Variants in FAM185A observed in about 807,000 individuals in gnomAD.
FAM185A encodes family with sequence similarity 185 member A, also known as protein FAM185A.
A neutral mutation model predicts 45.7 loss-of-function variants in FAM185A; 21 were observed. The ratio of observed to expected loss-of-function variants is 0.46; its 90% CI spans 0.33 to 0.66. The LOEUF is 0.66. FAM185A is among the 30% of genes least tolerant of loss of function. The pLI is 0.03. For synonymous variants in FAM185A, 117 were observed against 194.0 expected (o/e 0.60, Z 3.30); for missense variants, 305 against 485.4 (o/e 0.63, Z 3.49).
At chr7:102,849,291 G>C in the FAM185A span, among the ~76,000 whole-genome samples, 1 of 152,152 alleles carries the variant, frequency 6.6e-6, no homozygotes, top group South Asian at 2.1e-4. Flanking sequence ...TCTCAGAAAA[G>C]AACTAACGTT....
rs1186003725 is a variant in FAM185A, at chr7:102,767,604, C to G, written c.794-4805C>G. Among the ~76,000 whole-genome samples the G allele has an allele frequency of 3.4e-5, 5 of 146,832 alleles. No individual in the cohort carries two copies. In the East Asian group the frequency reaches 1.0e-3, roughly 30 times the overall value. On this transcript the variant is annotated intron_variant, in intron 4 of 7. Coordinates refer to ENST00000413034, the MANE Select transcript of FAM185A (RefSeq NM_001145268.2). ...TCATCCTTGTCCTATTGTTCTTTCT[C>G]TACATATTTTCCTAGGGCATCTTAT... is the stretch of plus-strand genomic sequence containing the variant.
downstream of FAM185A, chr7:102,813,634 C>G: frequency 8.4e-7 from 1 of 1,185,954 alleles, no homozygotes; most frequent in Non-Finnish European, 1.2e-6. Flanking sequence ...CTGTCACAAT[C>G]TGAATTCACA....
chr7:102,783,154 T>C (rs1305066819), intron 6 of FAM185A, among the ~76,000 whole-genome samples: 2 of 150,916 alleles, frequency 1.3e-5, no homozygotes, highest in African/African-American at 2.4e-5. Flanking sequence ...ATAAAGCAAG[T>C]CCTTAGAGAC....
chr7:102,833,778 C>T, the FAM185A span, among the ~76,000 whole-genome samples: 3 of 151,834 alleles, frequency 2.0e-5, no homozygotes, highest in African/African-American at 7.3e-5. Flanking sequence ...TTTTGAAATG[C>T]TGAAATGTTC....
the FAM185A span, among the ~76,000 whole-genome samples, chr7:102,826,730 T>TC: frequency 2.7e-4 from 9 of 33,934 alleles, no homozygotes; most frequent in African/African-American, 1.8e-3. Context: ...GTCTCATATA[T>TC]ATATATATAT....
downstream of FAM185A, among the ~76,000 whole-genome samples, chr7:102,812,865 C>T (rs187959234): frequency 2.9e-4 from 37 of 125,644 alleles, no homozygotes; most frequent in Admixed American, 2.1e-3. Context: ...TTTTTTGAGA[C>T]GGAGTCTTGC....
chr7:102,754,734 C>T (rs1241883873), intron 2 of FAM185A, among the ~76,000 whole-genome samples: 2 of 152,182 alleles, frequency 1.3e-5, no homozygotes, highest in African/African-American at 2.4e-5. Context: ...ATTGTCCTGA[C>T]AAAACATATG....
the FAM185A span, among the ~76,000 whole-genome samples, chr7:102,826,742 T>TC: frequency 1.1e-5 from 1 of 93,622 alleles, no homozygotes; most frequent in African/African-American, 5.2e-5. Flanking sequence ...TATATATATA[T>TC]ATATATATAT....
downstream of FAM185A, chr7:102,814,219 C>T (rs969141677): frequency 9.9e-5 from 15 of 152,108 alleles, no homozygotes; most frequent in Non-Finnish European, 1.9e-4. Context: ...GTTTGAATCA[C>T]GAGATTAGTA....
intron 7 of FAM185A, among the ~76,000 whole-genome samples, chr7:102,799,887 ACAGAGCAGCGTGTAGAGG>A (rs1390401643): frequency 9.2e-5 from 14 of 152,274 alleles, no homozygotes; most frequent in African/African-American, 3.1e-4. Flanking sequence ...ACTCTGACGG[ACAGAGCAGCGTGTAGAGG>A]CTCGCGTCAT....
intron 6 of FAM185A, among the ~76,000 whole-genome samples, chr7:102,782,807 C>G (rs1440461234): frequency 9.2e-5 from 14 of 152,080 alleles, no homozygotes; most frequent in Admixed American, 5.9e-4. Context: ...ACAATATTAA[C>G]CTTAAATGTA....
chr7:102,818,631 G>A, the FAM185A span, among the ~76,000 whole-genome samples: 2 of 152,084 alleles, frequency 1.3e-5, no homozygotes, highest in Admixed American at 6.6e-5. Flanking sequence ...CCGAGTTTAA[G>A]CTTCTAGCAA....
the FAM185A span, among the ~76,000 whole-genome samples, chr7:102,835,054 A>T: frequency 5.3e-5 from 8 of 152,234 alleles, no homozygotes; most frequent in Non-Finnish European, 7.3e-5. Flanking sequence ...AGATGCACAA[A>T]TGTATTGTAC....
At chr7:102,817,469 G>A in the FAM185A span, among the ~76,000 whole-genome samples, 1 of 152,042 alleles carries the variant, frequency 6.6e-6, no homozygotes, top group Admixed American at 6.6e-5. Context: ...GTTTTTGCTT[G>A]TTGATTTGTT....
chr7:102,800,349 G>A lies in FAM185A; in HGVS notation c.1067-7941G>A, dbSNP rs547563764. Reference sequence around the variant, plus strand: ...CAAAACAAGGCTCTTTAACAACCCCGCGAAAATCACACTAGCTCACCAGCA... The same window carrying A: ...CAAAACAAGGCTCTTTAACAACCCCACGAAAATCACACTAGCTCACCAGCA... On this transcript the variant is annotated intron_variant, in intron 7 of 7. Coordinates refer to ENST00000413034, the MANE Select transcript of FAM185A (RefSeq NM_001145268.2). Among the ~76,000 whole-genome samples the A allele has an allele frequency of 1.1e-4, 16 of 152,194 alleles. No homozygotes were observed. In the South Asian group the frequency reaches 2.5e-3, roughly 24 times the overall value.
chr7:102,805,725 G>A (rs10237986), intron 7 of FAM185A, among the ~76,000 whole-genome samples: 3,129 of 152,118 alleles, frequency 0.021, 116 homozygotes, highest in African/African-American at 0.071. Flanking sequence ...AAGGTGGGGA[G>A]GCAGAGGTTA....
rs1554364935 is a variant in FAM185A, at chr7:102,758,459, T to TTTTTTTTTTTTTTTTTTTTTTTTTTTTA, written c.654+513_654+514insTTTTTTTTTTTTTTTTTTTTTTTTTTTA. On this transcript the variant is annotated intron_variant, in intron 3 of 7. Transcript: ENST00000413034. Reference sequence around the variant, plus strand: ...TTTTTTTTTTTTTTTTTTTTTTTTTTATAGTAGCTATTGGGATTTTTGTTG... The same window carrying TTTTTTTTTTTTTTTTTTTTTTTTTTTTA: ...TTTTTTTTTTTTTTTTTTTTTTTTTTTTTTTTTTTTTTTTTTTTTTTTTTTTTAATAGTAGCTATTGGGATTTTTGTTG... 1.9e-5 allele frequency among the ~76,000 whole-genome samples: 2 copies of TTTTTTTTTTTTTTTTTTTTTTTTTTTTA among 107,448 alleles called. 1 individual carries two copies. 70.5% of individuals were successfully genotyped at this position (107,448 alleles called of 152,430 possible). A position where few individuals can be genotyped will look rare whatever the true frequency, so the allele number is the denominator to read the frequency against.
chr7:102,761,364 C>G lies in FAM185A; in HGVS notation c.746C>G (p.Ser249Ter). 1 of 1,544,462 alleles carries G rather than the reference C, an allele frequency of 6.5e-7. No individual in the cohort carries two copies. Among genetic ancestry groups the G allele is most frequent in the Non-Finnish European group, 8.7e-7 (1 of 1,144,110 alleles). Residue 249 changes from serine to a stop codon, truncating the protein, a stop_gained, in exon 4 of 8, where the codon TCA becomes TGA. Coordinates refer to ENST00000413034, the MANE Select transcript of FAM185A (RefSeq NM_001145268.2). LOFTEE classifies it high-confidence loss of function. ...GCCAAGTATCTTTATACAGAATCAT[C>G]ATTTCTGTCTTCTGCTGCTGGGGAT... ...LKAKYLYTES[S>*]FLSSAAGDIT...
At chr7:102,771,918 T>C (rs538881898) in intron 4 of FAM185A, among the ~76,000 whole-genome samples, 1 of 152,078 alleles carries the variant, frequency 6.6e-6, no homozygotes, top group South Asian at 2.1e-4. Context: ...ATTATTCCTA[T>C]CTCAAACCAC....
Sources: gnomAD v4.1 joint callset for allele counts (sites outside exome capture counted in the v4.1 genomes callset) on GRCh38, gnomAD v4.1.1 for gene constraint, MANE v1.5 for transcripts, NCBI Gene and HGNC (gene_info 2026-07-23, HGNC 2026-07-21) for gene names.